The following LHFPL3 variants were observed in gnomAD, a reference collection of about 807,000 sequenced individuals.
LHFPL3 encodes LHFPL tetraspan subfamily member 3.
LHFPL3 carries 5 observed loss-of-function variants against 19.3 expected under a neutral mutation model. That is an observed-to-expected ratio of 0.26 (90% CI 0.14 to 0.54). The LOEUF (loss-of-function observed/expected upper bound fraction) is 0.54. LHFPL3 is among the 20% of genes least tolerant of loss of function. The probability of loss-of-function intolerance (pLI) is 0.94; values close to 1 mark genes in which losing one functional copy is unlikely to be tolerated. For missense variants in LHFPL3, 249 were observed against 307.4 expected, an observed-to-expected ratio of 0.81 and a Z score of 1.42; for synonymous variants, 133 against 126.2, an observed-to-expected ratio of 1.05 and a Z score of -0.36.
intron 1 of LHFPL3, among the ~76,000 whole-genome samples, chr7:104,678,963 C>T (rs540874598): frequency 7.9e-4 from 121 of 152,284 alleles, no homozygotes; most frequent in Non-Finnish European, 1.6e-3. Context: ...GAATATCTTT[C>T]AAATTATTAT....
chr7:104,590,859 A>C (rs1790701320), intron 1 of LHFPL3, among the ~76,000 whole-genome samples: 1 of 152,218 alleles, frequency 6.6e-6, no homozygotes. Flanking sequence ...TCCCTTTACC[A>C]TTATGTAATG....
At chr7:104,876,255 G>T (rs1179579333) in intron 2 of LHFPL3, among the ~76,000 whole-genome samples, 2 of 152,100 alleles carry the variant, frequency 1.3e-5, no homozygotes, top group African/African-American at 2.4e-5. Flanking sequence ...AAAAGCAATG[G>T]CAACAAAAGC....
intron 1 of LHFPL3, among the ~76,000 whole-genome samples, chr7:104,430,432 A>ACG (rs1562895263): frequency 2.2e-3 from 26 of 11,952 alleles, no homozygotes; most frequent in Admixed American, 3.9e-3. Context: ...ATATATATAT[A>ACG]TATATATATA....
At chr7:104,775,407 C>A (rs1217791552) in intron 2 of LHFPL3, among the ~76,000 whole-genome samples, 1 of 152,140 alleles carries the variant, frequency 6.6e-6, no homozygotes, top group Admixed American at 6.5e-5. Context: ...ATCAATCAAT[C>A]AATCAATACA....
At chr7:104,675,919 A>G (rs1312618231) in intron 1 of LHFPL3, among the ~76,000 whole-genome samples, 1 of 152,190 alleles carries the variant, frequency 6.6e-6, no homozygotes, top group Non-Finnish European at 1.5e-5. Flanking sequence ...GATGAGGGCA[A>G]AGGGCAGATC....
chr7:104,855,173 G>C (rs1432084194), intron 2 of LHFPL3, among the ~76,000 whole-genome samples: 2 of 152,208 alleles, frequency 1.3e-5, no homozygotes, highest in Non-Finnish European at 2.9e-5. Context: ...AGATTAGTGA[G>C]GAGGGGAGAG....
At chr7:104,431,609 C>G (rs893888975) in intron 1 of LHFPL3, among the ~76,000 whole-genome samples, 1 of 152,062 alleles carries the variant, frequency 6.6e-6, no homozygotes, top group Non-Finnish European at 1.5e-5. Context: ...AAAGTGGGCT[C>G]TTTTTTGTGG....
At position 104,393,723 on chromosome 7, in the gene LHFPL3, G is replaced by GA. The variant is rs202183806; in HGVS notation, c.445+64507dup. 5.8e-3 allele frequency among the ~76,000 whole-genome samples: 876 copies of GA among 151,212 alleles called. 2 individuals carry two copies. Among genetic ancestry groups the GA allele is most frequent in the African/African-American group, 0.02 (822 of 41,268 alleles). On this transcript the variant is annotated intron_variant, in intron 1 of 2. Transcript: ENST00000424859. ...ACAGTGAGACTCTGTCTCAAAAAAA[G>GA]AAAAAAAATCATATATTCATACAAA...
At chr7:104,816,118 C>T (rs1223123157) in intron 2 of LHFPL3, among the ~76,000 whole-genome samples, 2 of 152,122 alleles carry the variant, frequency 1.3e-5, no homozygotes, top group Non-Finnish European at 2.9e-5. Flanking sequence ...AAGATCCCAT[C>T]CCAAAAGAAC....
intron 1 of LHFPL3, among the ~76,000 whole-genome samples, chr7:104,496,346 C>CA (rs1383264264): frequency 2.0e-5 from 3 of 152,218 alleles, no homozygotes; most frequent in African/African-American, 7.2e-5. Context: ...ATATGTGCCA[C>CA]ATTTTCTTAA....
At chr7:104,563,911 A>T (rs1332728121) in intron 1 of LHFPL3, among the ~76,000 whole-genome samples, 1 of 152,264 alleles carries the variant, frequency 6.6e-6, no homozygotes, top group Non-Finnish European at 1.5e-5. Context: ...GCCATTAAAT[A>T]ATAGCTTAAT....
chr7:104,552,276 T>C (rs1249442720), intron 1 of LHFPL3, among the ~76,000 whole-genome samples: 2 of 152,168 alleles, frequency 1.3e-5, no homozygotes, highest in Non-Finnish European at 2.9e-5. Context: ...GACCAACGCC[T>C]AGTGACTGGG....
At chr7:104,548,450 G>A (rs549510728) in intron 1 of LHFPL3, among the ~76,000 whole-genome samples, 2 of 152,104 alleles carry the variant, frequency 1.3e-5, no homozygotes, top group Admixed American at 6.6e-5. Context: ...GATTTACAAA[G>A]TTTATTTGCC....
chr7:104,748,419 C>T (rs1477005894), intron 2 of LHFPL3, among the ~76,000 whole-genome samples: 1 of 126,480 alleles, frequency 7.9e-6, no homozygotes, highest in Non-Finnish European at 1.6e-5. Flanking sequence ...GCATCTGTCT[C>T]CTGCCTGTCC....
chr7:104,904,906 T>G (rs1792566537), intron 2 of LHFPL3, among the ~76,000 whole-genome samples: 1 of 152,184 alleles, frequency 6.6e-6, no homozygotes, highest in Non-Finnish European at 1.5e-5. Flanking sequence ...CCCTAATCTA[T>G]TGGAGAAAAG....
rs1792620917 is a variant in LHFPL3, at chr7:104,906,614, T to C, written c.*399T>C. On this transcript the variant is annotated 3_prime_UTR_variant, in exon 3 of 3. Transcript: ENST00000424859. ...AACTGAAAACAAAAAGCTTTAACCT[T>C]TCAACAGAATTTTTAAAAAGGCAGT... 1 of 171,350 alleles carries C rather than the reference T, an allele frequency of 5.8e-6. No individual in the cohort carries two copies. The highest frequency in any genetic ancestry group is 1.5e-4 in the East Asian group (1 of 6,516). The allele number at this position is 171,350 out of a possible 1,614,324, so 10.6% of individuals were successfully genotyped here. A position where few individuals can be genotyped will look rare whatever the true frequency, so the allele number is the denominator to read the frequency against.
In LHFPL3 at chr7:104,752,715, C is replaced by T. The variant is rs906466279; in HGVS notation, c.682+15804C>T. ...GCTTCTTCCGAGCGCACAAGCTTAC[C>T]GTAAGGCTGACTGTAGACGTACTCG... On this transcript the variant is annotated intron_variant, in intron 2 of 2. Coordinates refer to ENST00000424859, the MANE Select transcript of LHFPL3 (RefSeq NM_199000.3). 2.7e-4 allele frequency: 106 copies of T among 393,610 alleles called. 1 individual carries two copies. Among genetic ancestry groups the T allele is most frequent in the African/African-American group, 1.4e-3 (67 of 48,404 alleles). 24.4% of individuals were successfully genotyped at this position (393,610 alleles called of 1,614,324 possible). A position where few individuals can be genotyped will look rare whatever the true frequency, so the allele number is the denominator to read the frequency against.
At chr7:104,781,436 T>G (rs889360855) in intron 2 of LHFPL3, among the ~76,000 whole-genome samples, 1 of 152,144 alleles carries the variant, frequency 6.6e-6, no homozygotes, top group Non-Finnish European at 1.5e-5. Flanking sequence ...CAAATTCCTC[T>G]GCTTGCACAC....
intron 1 of LHFPL3, among the ~76,000 whole-genome samples, chr7:104,644,645 C>T (rs1791897992): frequency 6.6e-6 from 1 of 152,050 alleles, no homozygotes; most frequent in African/African-American, 2.4e-5. Context: ...ATGTGATATC[C>T]AGCAGGAGTC....
Sources: allele counts gnomAD v4.1 joint callset (sites outside exome capture counted in the v4.1 genomes callset), GRCh38; gene constraint gnomAD v4.1.1; transcripts MANE v1.5; gene names NCBI Gene and HGNC (gene_info 2026-07-23, HGNC 2026-07-21).